WDR82: variants seen among roughly 807,000 people sequenced by gnomAD.
WDR82 encodes the protein WD repeat-containing protein 82.
WDR82 carries 8 observed loss-of-function variants against 36.1 expected under a neutral mutation model. The observed-to-expected ratio is 0.22, with a 90% CI of 0.13 to 0.40. WDR82 has a LOEUF of 0.40. Among genes scored for constraint, WDR82 ranks in the 10% least tolerant of loss-of-function variants. The probability of loss-of-function intolerance (pLI) is 1.00; values close to 1 mark genes in which losing one functional copy is unlikely to be tolerated. For missense variants in WDR82, 185 were observed against 400.5 expected (o/e 0.46, Z 4.59); for synonymous variants, 129 against 137.8 (o/e 0.94, Z 0.45).
At chr3:52,273,462 C>T (rs1178850201) in intron 1 of WDR82, among the ~76,000 whole-genome samples, 1 of 144,782 alleles carries the variant, frequency 6.9e-6, no homozygotes, top group Non-Finnish European at 1.6e-5. Flanking sequence ...CATGAAGAGC[C>T]AACTCTAACT....
chr3:52,259,955 T>A, intron 5 of WDR82, 83 bp from the exon 6 acceptor site: 1 of 1,474,016 alleles, frequency 6.8e-7, no homozygotes. Flanking sequence ...TCCTTTAGAT[T>A]ACTTTTTGAC....
chr3:52,261,281 G>T, intron 4 of WDR82, 99 bp downstream of exon 4: 2 of 1,088,676 alleles, frequency 1.8e-6, no homozygotes, highest in Non-Finnish European at 2.6e-6. Context: ...TGTGATCCCA[G>T]AATGGAACCA....
intron 2 of WDR82, among the ~76,000 whole-genome samples, chr3:52,269,987 C>G (rs1018220776): frequency 1.3e-5 from 2 of 152,220 alleles, no homozygotes; most frequent in Non-Finnish European, 2.9e-5. Flanking sequence ...AACACCAAAA[C>G]TGTTCTAACT....
At chr3:52,269,431 C>T (rs995982051) in intron 2 of WDR82, among the ~76,000 whole-genome samples, 1 of 152,146 alleles carries the variant, frequency 6.6e-6, no homozygotes, top group Non-Finnish European at 1.5e-5. Context: ...GCCGAGATTG[C>T]ACCATTGCAC....
intron 7 of WDR82, 90 bp from the exon 8 acceptor site, chr3:52,258,768 G>T (rs965125842): frequency 1.9e-6 from 3 of 1,577,078 alleles, no homozygotes; most frequent in Non-Finnish European, 2.6e-6. Context: ...CTGAGGATAC[G>T]CCAAGCTTTA....
At chr3:52,268,960 G>A (rs1051835914) in intron 2 of WDR82, among the ~76,000 whole-genome samples, 9 of 152,026 alleles carry the variant, frequency 5.9e-5, no homozygotes, top group Non-Finnish European at 1.0e-4. Context: ...GACTACAGGC[G>A]CGTCCCATCA....
chr3:52,257,884 A>G (rs1337181780), intron 8 of WDR82, among the ~76,000 whole-genome samples: 3 of 152,072 alleles, frequency 2.0e-5, no homozygotes, highest in Admixed American at 1.3e-4. Context: ...CCTGGGCTGT[A>G]AAAAGTAAGG....
intron 1 of WDR82, among the ~76,000 whole-genome samples, chr3:52,276,277 T>C (rs1214131985): frequency 1.3e-5 from 2 of 151,824 alleles, no homozygotes; most frequent in East Asian, 3.9e-4. Context: ...CTACTAAAAA[T>C]ACAAAAGTTA....
At chr3:52,274,350 T>G (rs1254387033) in intron 1 of WDR82, among the ~76,000 whole-genome samples, 1 of 151,848 alleles carries the variant, frequency 6.6e-6, no homozygotes, top group East Asian at 1.9e-4. Context: ...AGAGGATCGC[T>G]TGAGTTCAGG....
rs1432365686 is a variant in WDR82 at position 52,257,063 on chromosome 3, C to T, written c.*427G>A. 2.2e-5 allele frequency: 4 copies of T among 183,176 alleles called. No homozygotes were observed. Among genetic ancestry groups the T allele is most frequent in the East Asian group, 3.1e-4 (2 of 6,486 alleles). The allele number at this position is 183,176 out of a possible 1,614,324, so 11.3% of individuals were successfully genotyped here. A position where few individuals can be genotyped will look rare whatever the true frequency, so the allele number is the denominator to read the frequency against. ...ACAAGACATGCAGGGTGAGGGCAAGCGGCTGAGCTGCCCAAGCATTTCAAA... is the reference window on the plus strand; with the variant it reads ...ACAAGACATGCAGGGTGAGGGCAAGTGGCTGAGCTGCCCAAGCATTTCAAA... On this transcript the variant is annotated 3_prime_UTR_variant, in exon 9 of 9. Coordinates refer to ENST00000296490, the MANE Select transcript of WDR82 (RefSeq NM_025222.4).
intron 3 of WDR82, among the ~76,000 whole-genome samples, chr3:52,262,728 T>C (rs867608004): frequency 2.0e-5 from 3 of 152,360 alleles, no homozygotes; most frequent in Middle Eastern, 3.4e-3. Flanking sequence ...GAAAAACATT[T>C]TCTTCCAATG....
At position 52,257,472 on chromosome 3, in the gene WDR82, A is replaced by G. The variant is rs1466875341; in HGVS notation, c.*18T>C. 4.3e-6 allele frequency: 7 copies of G among 1,614,056 alleles called. No homozygotes were observed. The highest frequency in any genetic ancestry group is 5.9e-6 in the Non-Finnish European group (7 of 1,180,028). ...CTGGCCGCCCTCACTATACAGAAATAGCCAAGCAGCAACAGGGTCAGTCAT... is the reference window on the plus strand; with the variant it reads ...CTGGCCGCCCTCACTATACAGAAATGGCCAAGCAGCAACAGGGTCAGTCAT... On this transcript the variant is annotated 3_prime_UTR_variant, in exon 9 of 9. Coordinates refer to ENST00000296490, the MANE Select transcript of WDR82 (RefSeq NM_025222.4).
chr3:52,277,843 G>A (rs1331764280), intron 1 of WDR82, among the ~76,000 whole-genome samples: 8 of 152,218 alleles, frequency 5.3e-5, no homozygotes, highest in Non-Finnish European at 1.0e-4. Flanking sequence ...GGCCGGAGCA[G>A]ACCAGCACCT....
rs558625924 is a variant in WDR82 at position 52,270,779 on chromosome 3, A to G, written c.192T>C (p.Tyr64=). 9.1e-5 allele frequency: 146 copies of G among 1,612,474 alleles called. No homozygotes were observed. The Admixed American group carries it at 1.4e-3, about 15-fold the overall frequency. ...KPKRTLYSKK[Y]GVDLIRYTHA... is the part of the protein sequence containing the mutation. ...GAGTGTATCTGATGAGGTCCACACC[A>G]TATTTCTTACTGTACAGGGTTCTCT... is the stretch of plus-strand genomic sequence containing the variant. Residue 64 remains tyrosine (Y), a synonymous_variant, in exon 2 of 9, where the codon TAT becomes TAC. Transcript: ENST00000296490.
intron 1 of WDR82, 83 bp downstream of exon 1, chr3:52,278,118 G>C: frequency 7.3e-7 from 1 of 1,372,584 alleles, no homozygotes; most frequent in Non-Finnish European, 9.6e-7. Flanking sequence ...CTGAAGTCGG[G>C]ACGGAGGGCA....
At position 52,260,517 on chromosome 3, in the gene WDR82, TAAGA is replaced by T. The variant is rs1334498530; in HGVS notation, c.427-20_427-17del. On this transcript the variant is annotated splice_polypyrimidine_tract_variant and intron_variant, in intron 4 of 8. Transcript: ENST00000296490. The stretch of plus-strand genomic sequence containing the variant: ...GCATGAGGCCCTAAGAGAAAAGAAA[TAAGA>T]AATACACTAAAACACACATGCCACA... The T allele has an allele frequency of 4.6e-6, 7 of 1,529,464 alleles. No individual in the cohort carries two copies. Among genetic ancestry groups the T allele is most frequent in the Non-Finnish European group, 1.8e-6 (2 of 1,139,088 alleles). The allele number at this position is 1,529,464 out of a possible 1,614,324, so 94.7% of individuals were successfully genotyped here. A position where few individuals can be genotyped will look rare whatever the true frequency, so the allele number is the denominator to read the frequency against.
intron 1 of WDR82, among the ~76,000 whole-genome samples, chr3:52,277,889 G>T (rs1446975420): frequency 6.6e-6 from 1 of 152,238 alleles, no homozygotes; most frequent in Non-Finnish European, 1.5e-5. Context: ...CTACCTGGTG[G>T]GCCCAGGGTG....
chr3:52,268,007 GCTTT>G (rs1700121342), intron 2 of WDR82: 1 of 215,706 alleles, frequency 4.6e-6, no homozygotes, highest in Admixed American at 5.1e-5. Flanking sequence ...TCACAGGGGT[GCTTT>G]CTAATAAGAG....
chr3:52,266,112 A>G (rs1275105287), intron 3 of WDR82, among the ~76,000 whole-genome samples: 1 of 152,218 alleles, frequency 6.6e-6, no homozygotes, highest in Non-Finnish European at 1.5e-5. Flanking sequence ...AACCTGCATT[A>G]CAATACAGAA....
Sources: gnomAD v4.1 joint callset for allele counts (sites outside exome capture counted in the v4.1 genomes callset) on GRCh38, gnomAD v4.1.1 for gene constraint, MANE v1.5 for transcripts, NCBI Gene and HGNC (gene_info 2026-07-23, HGNC 2026-07-21) for gene names.